Variants in DMXL1 observed in about 807,000 individuals in gnomAD.
DMXL1 encodes Dmx like 1, also known as dmX-like protein 1.
DMXL1 carries 99 observed loss-of-function variants against 319.2 expected under a neutral mutation model. The ratio of observed to expected loss-of-function variants is 0.31; its 90% CI spans 0.26 to 0.37. DMXL1 has a LOEUF of 0.37. DMXL1 is among the 10% of genes least tolerant of loss of function. The pLI, the probability that DMXL1 is intolerant of heterozygous loss-of-function variation, is 1.00. For synonymous variants in DMXL1, 1,385 were observed against 1,235.2 expected (o/e 1.12, Z -2.54); for missense variants, 3,745 against 3,595.6 (o/e 1.04, Z -1.06).
At chr5:119,173,774 G>GTTTATATATATATATATATATATA (rs1306952541) in intron 25 of DMXL1, among the ~76,000 whole-genome samples, 1 of 33,662 alleles carries the variant, frequency 3.0e-5, no homozygotes, top group Non-Finnish European at 5.3e-5. Context: ...ATATGTGTGT[G>GTTTATATATATATATATATATATA]TGTATATATA....
intron 21 of DMXL1, among the ~76,000 whole-genome samples, chr5:119,166,186 A>G (rs1158398125): frequency 6.6e-6 from 1 of 152,214 alleles, no homozygotes; most frequent in Non-Finnish European, 1.5e-5. Context: ...GGGAAAAATC[A>G]CGATAACAAA....
chr5:119,151,385 A>C (rs1284602920), intron 18 of DMXL1, among the ~76,000 whole-genome samples: 1 of 152,214 alleles, frequency 6.6e-6, no homozygotes, highest in East Asian at 1.9e-4. Context: ...ATATAATAAC[A>C]AAATTTAAAT....
rs182327974 is a variant in DMXL1, at chr5:119,087,441, A to G, written c.88-10538A>G. ...TAATTTTGTTATTGATCCATTGGTC[A>G]TTCAGGAGCATATTTGTGAAGTTTC... On this transcript the variant is annotated intron_variant, in intron 1 of 43. Coordinates refer to ENST00000539542, the MANE Select transcript of DMXL1 (RefSeq NM_001290321.3). 2.3e-4 allele frequency among the ~76,000 whole-genome samples: 35 copies of G among 152,236 alleles called. No homozygotes were observed. In the East Asian group the frequency reaches 3.3e-3, roughly 14 times the overall value.
chr5:119,238,225 T>C (rs2150722085), intron 40 of DMXL1, among the ~76,000 whole-genome samples: 1 of 152,206 alleles, frequency 6.6e-6, no homozygotes, highest in East Asian at 1.9e-4. Context: ...GGATTTTGTC[T>C]GTTTTAAGGA....
intron 1 of DMXL1, among the ~76,000 whole-genome samples, chr5:119,088,419 T>C (rs898749234): frequency 1.3e-5 from 2 of 152,180 alleles, no homozygotes; most frequent in African/African-American, 4.8e-5. Flanking sequence ...CTGTGCCTTC[T>C]AATGGGAGAA....
chr5:119,130,589 C>A (rs1365541487), intron 10 of DMXL1, among the ~76,000 whole-genome samples: 1 of 152,112 alleles, frequency 6.6e-6, no homozygotes, highest in South Asian at 2.1e-4. Flanking sequence ...GTGATCCATC[C>A]ACCTGGGCCT....
chr5:119,234,672 T>C (rs1452312697), intron 39 of DMXL1, among the ~76,000 whole-genome samples: 1 of 152,150 alleles, frequency 6.6e-6, no homozygotes, highest in Non-Finnish European at 1.5e-5. Flanking sequence ...TTTAGTTGTA[T>C]TCTCTATCAA....
In DMXL1 at chr5:119,134,094, G is replaced by C. The variant is rs770957208; in HGVS notation, c.2170G>C (p.Glu724Gln). The C allele has an allele frequency of 2.0e-5, 32 of 1,614,082 alleles. No individual in the cohort carries two copies. The highest frequency in any genetic ancestry group is 2.7e-5 in the Non-Finnish European group (32 of 1,180,036). The change falls in exon 12 of 44, where the codon GAG (glutamate) becomes CAG (glutamine). Residue 724 changes from glutamate (E) to glutamine (Q), a missense_variant. Transcript: ENST00000539542. Reference sequence around the variant, plus strand: ...ATTGTCTTTTTCTGGAGGAGTTTCTGAGCTTGCCCGGATTAATTCTCTTCA... The same window carrying C: ...ATTGTCTTTTTCTGGAGGAGTTTCTCAGCTTGCCCGGATTAATTCTCTTCA... ...GPLSFSGGVS[E>Q]LARINSLHVS...
intron 9 of DMXL1, among the ~76,000 whole-genome samples, chr5:119,121,910 G>A (rs1264505252): frequency 1.1e-4 from 16 of 148,518 alleles, no homozygotes; most frequent in Non-Finnish European, 1.9e-4. Flanking sequence ...CGGGCGGGGG[G>A]CTGACCCCCC....
rs140502825 is a variant in DMXL1 at position 119,076,994 on chromosome 5, C to T, written c.87+5338C>T. On this transcript the variant is annotated intron_variant, in intron 1 of 43. Transcript: ENST00000539542. ...GGTTAGTAATAGATTATTCTGATTA[C>T]AGATCTTTTATTATTTTTTAATTAA... 5.3e-3 allele frequency among the ~76,000 whole-genome samples: 813 copies of T among 152,230 alleles called. 3 individuals are homozygous for T. The highest frequency in any genetic ancestry group is 0.019 in the African/African-American group (784 of 41,528).
Position 119,134,129 on chromosome 5 carries a change from C to G in DMXL1, c.2205C>G (p.Ala735=). 1 of 1,613,958 alleles carries G rather than the reference C, an allele frequency of 6.2e-7. No individual in the cohort carries two copies. The change falls in exon 12 of 44, where the codon GCC becomes GCG. Residue 735 remains alanine (A), a synonymous_variant. Transcript: ENST00000539542. The part of the protein sequence containing the change: ...LARINSLHVS[A]FSNVAWLPTL... ...GGATTAATTCTCTTCATGTTTCTGC[C>G]TTTTCCAATGTGGCATGGCTGCCCA...
intron 19 of DMXL1, among the ~76,000 whole-genome samples, chr5:119,159,377 G>A (rs202172558): frequency 4.6e-5 from 7 of 152,202 alleles, no homozygotes; most frequent in East Asian, 3.9e-4. Context: ...GGTTACAGGC[G>A]TGAGACGCCA....
In DMXL1 at chr5:119,166,616, A is replaced by T; in HGVS notation, c.4971A>T (p.Arg1657Ser). 1 of 1,600,708 alleles carries T rather than the reference A, an allele frequency of 6.2e-7. No homozygotes were observed. Among genetic ancestry groups the T allele is most frequent in the Non-Finnish European group, 8.5e-7 (1 of 1,176,444 alleles). ...TCACACCATTTTTTTTCCTTTATAG[A>T]GCTGAAAAAAACACCAGGATGACAC... ...KKKAVIWGLY[R>S]AEKNTRMTQF... The change falls in exon 22 of 44, where the codon AGA (arginine) becomes AGT (serine). Residue 1657 changes from arginine to serine, a missense_variant and splice_region_variant. Transcript: ENST00000539542.
chr5:119,120,650 A>T (rs1761843059), intron 8 of DMXL1, among the ~76,000 whole-genome samples: 1 of 152,238 alleles, frequency 6.6e-6, no homozygotes, highest in Non-Finnish European at 1.5e-5. Flanking sequence ...AAACAATAGT[A>T]TTGGGAAAAA....
intron 18 of DMXL1, among the ~76,000 whole-genome samples, chr5:119,151,569 A>G (rs1256422940): frequency 6.6e-6 from 1 of 152,168 alleles, no homozygotes; most frequent in East Asian, 1.9e-4. Flanking sequence ...ACAGCAGATT[A>G]TTGGGGTGGA....
At chr5:119,169,254 A>G (rs1774069506) in intron 23 of DMXL1, among the ~76,000 whole-genome samples, 1 of 152,248 alleles carries the variant, frequency 6.6e-6, no homozygotes, top group African/African-American at 2.4e-5. Flanking sequence ...ATTTTTACAT[A>G]CTTTTATTAT....
intron 4 of DMXL1, among the ~76,000 whole-genome samples, chr5:119,106,648 G>A (rs1020858727): frequency 5.9e-5 from 9 of 152,140 alleles, no homozygotes; most frequent in Non-Finnish European, 1.2e-4. Flanking sequence ...CAAGATTTAT[G>A]GTTTTGCGAG....
In DMXL1 at chr5:119,071,646, A is replaced by G. The variant is rs1463991305; in HGVS notation, c.77A>G (p.Gln26Arg). Residue 26 changes from glutamine to arginine, a missense_variant, in exon 1 of 44, where the codon CAG becomes CGG. Transcript: ENST00000539542. ...HCFSVGSIGD[Q>R]RFTAYASGCD... Reference sequence around the variant, plus strand: ...TTCTCCGTGGGCAGCATTGGCGACCAGCGCTTCACGGTGAGTGAGGGAGGC... The same window carrying G: ...TTCTCCGTGGGCAGCATTGGCGACCGGCGCTTCACGGTGAGTGAGGGAGGC... The G allele has an allele frequency of 8.8e-6, 14 of 1,589,120 alleles. No individual in the cohort carries two copies. Among genetic ancestry groups the G allele is most frequent in the Non-Finnish European group, 1.2e-5 (14 of 1,168,244 alleles).
At chr5:119,151,723 C>A (rs1157907652) in intron 18 of DMXL1, among the ~76,000 whole-genome samples, 1 of 152,144 alleles carries the variant, frequency 6.6e-6, no homozygotes, top group Admixed American at 6.5e-5. Context: ...GTATCAGATT[C>A]TCTTTATTCT....
Sources: allele counts gnomAD v4.1 joint callset (sites outside exome capture counted in the v4.1 genomes callset), GRCh38; gene constraint gnomAD v4.1.1; transcripts MANE v1.5; gene names NCBI Gene and HGNC (gene_info 2026-07-23, HGNC 2026-07-21).